The following POGLUT2 variants were observed in gnomAD, a reference collection of about 807,000 sequenced individuals.
POGLUT2 encodes ER protein 58.
Under a neutral mutation model 57.6 loss-of-function variants are expected in POGLUT2, and 47 were observed. The ratio of observed to expected loss-of-function variants is 0.82; its 90% CI spans 0.65 to 1.04. The LOEUF is 1.04. Among genes scored for constraint, POGLUT2 ranks in the 50% least tolerant of loss-of-function variants. POGLUT2 has a pLI of 0.00. For synonymous variants in POGLUT2, 200 were observed against 218.8 expected (o/e 0.91, Z 0.76); for missense variants, 565 against 614.8 (o/e 0.92, Z 0.86).
Position 102,798,576 on chromosome 13 carries a change from C to G in POGLUT2, c.95G>C (p.Ser32Thr), listed in dbSNP as rs1467616941. The change falls in exon 1 of 10, where the codon AGC becomes ACC. Residue 32 changes from serine (S) to threonine (T), a missense_variant. Coordinates refer to ENST00000376004, the MANE Select transcript of POGLUT2 (RefSeq NM_024089.3). The part of the protein sequence containing the change: ...GGERQLSPEK[S>T]EIWGPGLKAD... ...TTTTAGCCCGGGTCCCCATATTTCG[C>G]TCTTCTCCGGGCTCAGCTGCCTTTC... is the stretch of plus-strand genomic sequence containing the variant. 1.9e-6 allele frequency: 3 copies of G among 1,613,718 alleles called. No individual in the cohort carries two copies. Among genetic ancestry groups the G allele is most frequent in the African/African-American group, 1.3e-5 (1 of 74,926 alleles).
intron 2 of POGLUT2, among the ~76,000 whole-genome samples, chr13:102,794,218 T>C (rs997054802): frequency 1.3e-5 from 2 of 151,976 alleles, no homozygotes; most frequent in East Asian, 3.9e-4. Context: ...GGCAAGACAG[T>C]GAGAGCCCGT....
At chr13:102,788,671 A>C (rs1287161734) in intron 7 of POGLUT2, among the ~76,000 whole-genome samples, 2 of 152,130 alleles carry the variant, frequency 1.3e-5, no homozygotes, top group Non-Finnish European at 2.9e-5. Flanking sequence ...TTTTTAGTAG[A>C]GATGGGGTTT....
rs184853536 is a variant in POGLUT2 at position 102,795,069 on chromosome 13, T to C, written c.389-1263A>G. On this transcript the variant is annotated intron_variant, in intron 2 of 9. Transcript: ENST00000376004. ...GAGATCGAGACCATCCTGGTCAACA[T>C]GGTGAAACCCCGTCTCTACTAAAAA... 5.3e-3 allele frequency among the ~76,000 whole-genome samples: 796 copies of C among 150,650 alleles called. 13 individuals are homozygous for C. Among genetic ancestry groups the C allele is most frequent in the African/African-American group, 0.018 (754 of 40,944 alleles).
chr13:102,788,475 GTTGTTGTTGTTGT>G (rs372024879), intron 7 of POGLUT2, among the ~76,000 whole-genome samples: 10 of 152,230 alleles, frequency 6.6e-5, no homozygotes, highest in East Asian at 5.8e-4. Flanking sequence ...GCTTTTTGTT[GTTGTTGTTGTTGT>G]TTGTTGTTGT....
At chr13:102,787,734 C>T in intron 8 of POGLUT2, 100 bp downstream of exon 8, 2 of 563,012 alleles carry the variant, frequency 3.6e-6, no homozygotes, top group Non-Finnish European at 6.1e-6. Context: ...TATATATCTC[C>T]CTATAGTAAC....
intron 8 of POGLUT2, among the ~76,000 whole-genome samples, chr13:102,786,734 C>T (rs766348648): frequency 2.1e-4 from 32 of 152,172 alleles, no homozygotes; most frequent in Non-Finnish European, 4.0e-4. Flanking sequence ...CATGTGCTTA[C>T]TCTGAGTGAA....
chr13:102,792,151 AAC>A (rs1878205648), intron 4 of POGLUT2: 1 of 1,192,810 alleles, frequency 8.4e-7, no homozygotes, highest in Non-Finnish European at 1.1e-6. Flanking sequence ...ATTCAGAATT[AAC>A]AGACTGTAAG....
At chr13:102,786,613 A>G (rs1008145116) in intron 8 of POGLUT2, among the ~76,000 whole-genome samples, 2 of 151,990 alleles carry the variant, frequency 1.3e-5, no homozygotes, top group Non-Finnish European at 2.9e-5. Context: ...TCTGCCTCAC[A>G]GTAAAAATAA....
intron 2 of POGLUT2, among the ~76,000 whole-genome samples, chr13:102,795,126 C>G (rs1048229385): frequency 3.3e-5 from 5 of 151,536 alleles, no homozygotes; most frequent in African/African-American, 9.7e-5. Flanking sequence ...GTGGCGCGTC[C>G]CTGTAGTCTC....
intron 6 of POGLUT2, 21 bp from the exon 7 acceptor site, chr13:102,789,242 C>G: frequency 6.3e-7 from 1 of 1,577,840 alleles, no homozygotes; most frequent in Non-Finnish European, 8.7e-7. Context: ...ATGGTAAAGT[C>G]TAAGAACCTC....
intron 6 of POGLUT2, among the ~76,000 whole-genome samples, chr13:102,790,651 G>A (rs1878128711): frequency 6.6e-6 from 1 of 152,166 alleles, no homozygotes; most frequent in South Asian, 2.1e-4. Flanking sequence ...TCAAGGGTTA[G>A]CTGGAAAAAA....
chr13:102,790,904 G>A lies in POGLUT2; in HGVS notation c.1080C>T (p.Phe360=). The A allele has an allele frequency of 1.3e-6, 2 of 1,576,998 alleles. No individual in the cohort carries two copies. The highest frequency in any genetic ancestry group is 1.1e-5 in the South Asian group (1 of 90,306). ...IVKHISFFDF[F]KHKYQINIDG... The stretch of plus-strand genomic sequence containing the variant: ...TTAGCTACTGATTAAGTCATACCTT[G>A]AAGAAATCAAAAAATGAAATATGTT... Residue 360 remains phenylalanine (F), a synonymous_variant, in exon 6 of 10, where the codon TTC becomes TTT. Coordinates refer to ENST00000376004, the MANE Select transcript of POGLUT2 (RefSeq NM_024089.3).
intron 2 of POGLUT2, among the ~76,000 whole-genome samples, chr13:102,796,552 G>A (rs999552956): frequency 6.7e-6 from 1 of 150,350 alleles, no homozygotes; most frequent in African/African-American, 2.4e-5. Flanking sequence ...ATGTCTTCGC[G>A]GAGTAAATTC....
chr13:102,793,258 T>TA lies in POGLUT2; in HGVS notation c.672+82_672+83insT, dbSNP rs1467058346. 45 of 421,654 alleles carry TA rather than the reference T, an allele frequency of 1.1e-4. No homozygotes were observed. The African/African-American group carries it at 3.3e-3, about 31-fold the overall frequency. The allele number at this position is 421,654 out of a possible 1,614,324, so 26.1% of individuals were successfully genotyped here. ...GCTCCAGAAGAGAATACCCTGATAG[T>TA]GTATAATTTGTATTTTGAAAAATTA... On this transcript the variant is annotated intron_variant, in intron 4 of 9. Transcript: ENST00000376004.
intron 2 of POGLUT2, among the ~76,000 whole-genome samples, chr13:102,795,361 G>A (rs753054759): frequency 6.6e-5 from 10 of 151,694 alleles, no homozygotes; most frequent in Non-Finnish European, 1.3e-4. Flanking sequence ...TCCAGGGTTC[G>A]GGACCAGTCT....
At chr13:102,798,392 T>C (rs1392809836) in intron 1 of POGLUT2, 97 bp downstream of exon 1, 14 of 1,130,262 alleles carry the variant, frequency 1.2e-5, no homozygotes, top group Non-Finnish European at 1.8e-5. Flanking sequence ...GAATATAAAC[T>C]GCTGTGGAGA....
At chr13:102,795,882 G>C (rs528619172) in intron 2 of POGLUT2, among the ~76,000 whole-genome samples, 5 of 152,200 alleles carry the variant, frequency 3.3e-5, no homozygotes, top group South Asian at 2.1e-4. Flanking sequence ...GGTTGTTAAG[G>C]GGGGGACAAG....
intron 2 of POGLUT2, among the ~76,000 whole-genome samples, chr13:102,795,461 G>A (rs1435198005): frequency 6.6e-6 from 1 of 152,094 alleles, no homozygotes; most frequent in African/African-American, 2.4e-5. Flanking sequence ...TACTCATGCA[G>A]CTGAGGTGGG....
intron 7 of POGLUT2, 119 bp from the exon 8 acceptor site, chr13:102,788,042 G>T (rs563139299): frequency 1.1e-5 from 6 of 559,588 alleles, no homozygotes; most frequent in Non-Finnish European, 1.9e-5. Context: ...AATATCTTTG[G>T]GGGTAGTCTC....
Sources: allele counts gnomAD v4.1 joint callset (sites outside exome capture counted in the v4.1 genomes callset), GRCh38; gene constraint gnomAD v4.1.1; transcripts MANE v1.5; gene names NCBI Gene and HGNC (gene_info 2026-07-23, HGNC 2026-07-21).